TMCC1: variants seen among roughly 807,000 people sequenced by gnomAD.
TMCC1 encodes the protein transmembrane and coiled-coil domain family 1.
TMCC1 carries 15 observed loss-of-function variants against 52.4 expected under a neutral mutation model. The observed-to-expected ratio is 0.29, with a 90% CI of 0.19 to 0.44. The LOEUF (loss-of-function observed/expected upper bound fraction) is 0.44. TMCC1 is among the 20% of genes least tolerant of loss of function. The pLI, the probability that TMCC1 is intolerant of heterozygous loss-of-function variation, is 1.00. For synonymous variants in TMCC1, 279 were observed against 301.9 expected, an observed-to-expected ratio of 0.92 and a Z score of 0.79; for missense variants, 503 against 806.0, an observed-to-expected ratio of 0.62 and a Z score of 4.55.
intron 4 of TMCC1, among the ~76,000 whole-genome samples, chr3:129,687,435 G>A (rs1266479718): frequency 1.3e-5 from 2 of 152,112 alleles, no homozygotes; most frequent in African/African-American, 4.8e-5. Flanking sequence ...TCCAAAATCT[G>A]CTAAAAGTAA....
At chr3:129,688,166 A>T in intron 4 of TMCC1, 1 of 985,320 alleles carries the variant, frequency 1.0e-6, no homozygotes, top group Non-Finnish European at 1.2e-6. Context: ...ATCACAACAC[A>T]TTTATCTTAC....
intron 4 of TMCC1, among the ~76,000 whole-genome samples, chr3:129,697,697 C>G (rs2047513786): frequency 6.6e-6 from 1 of 152,130 alleles, no homozygotes; most frequent in South Asian, 2.1e-4. Context: ...TTTCTTCTGC[C>G]AGATACTGTA....
intron 4 of TMCC1, among the ~76,000 whole-genome samples, chr3:129,759,144 GT>G (rs1576716593): frequency 1.3e-5 from 2 of 152,122 alleles, no homozygotes; most frequent in African/African-American, 4.8e-5. Context: ...TGGGTTTTAA[GT>G]GGTTAGATAA....
At chr3:129,784,391 C>G (rs547919565) in intron 4 of TMCC1, among the ~76,000 whole-genome samples, 1 of 150,744 alleles carries the variant, frequency 6.6e-6, no homozygotes, top group East Asian at 2.0e-4. Flanking sequence ...ACAGTGAAAC[C>G]CCGTCTCTAC....
chr3:129,866,379 T>C (rs867497466), intron 2 of TMCC1, among the ~76,000 whole-genome samples: 30 of 119,292 alleles, frequency 2.5e-4, no homozygotes, highest in African/African-American at 8.9e-4. Context: ...TATATATATG[T>C]TTTTTTTTTT....
chr3:129,684,569 T>C (rs1204503910), intron 4 of TMCC1, among the ~76,000 whole-genome samples: 1 of 152,140 alleles, frequency 6.6e-6, no homozygotes, highest in East Asian at 1.9e-4. Context: ...TCCAGAAGAA[T>C]GGGAAAAGAG....
At chr3:129,840,998 G>C (rs937320844) in intron 2 of TMCC1, among the ~76,000 whole-genome samples, 1 of 152,186 alleles carries the variant, frequency 6.6e-6, no homozygotes, top group African/African-American at 2.4e-5. Flanking sequence ...AAGAAGGCAG[G>C]AAGATGTGGG....
intron 4 of TMCC1, among the ~76,000 whole-genome samples, chr3:129,780,461 T>A (rs1052171906): frequency 3.9e-5 from 6 of 151,990 alleles, no homozygotes; most frequent in African/African-American, 1.4e-4. Flanking sequence ...TTTCCACCCA[T>A]CCGTTTTTCC....
intron 4 of TMCC1, among the ~76,000 whole-genome samples, chr3:129,753,499 T>C (rs552533324): frequency 6.6e-6 from 1 of 152,212 alleles, no homozygotes; most frequent in African/African-American, 2.4e-5. Context: ...AATTAATACA[T>C]CACAACCAAG....
Position 129,651,159 on chromosome 3 carries a change from C to T in TMCC1, c.*322G>A. 1 of 297,778 alleles carries T rather than the reference C, an allele frequency of 3.4e-6. No homozygotes were observed. The highest frequency in any genetic ancestry group is 6.4e-6 in the Non-Finnish European group (1 of 156,946). The allele number at this position is 297,778 out of a possible 1,614,324, so 18.4% of individuals were successfully genotyped here. On this transcript the variant is annotated 3_prime_UTR_variant, in exon 7 of 7. Coordinates refer to ENST00000393238, the MANE Select transcript of TMCC1 (RefSeq NM_001017395.5). This position sits in a 1 kb window ranked among gnomAD's most constrained non-coding sequence, Gnocchi z 5.1. ...CTTTTTAGTGGGTTTTAGTGCAGTC[C>T]TTCAAGCCACAATTTAGATTGCCCT...
At chr3:129,791,822 T>C (rs2056487164) in intron 4 of TMCC1, among the ~76,000 whole-genome samples, 1 of 152,176 alleles carries the variant, frequency 6.6e-6, no homozygotes, top group South Asian at 2.1e-4. Flanking sequence ...TAAATCTTAA[T>C]TTACTTCCTT....
chr3:129,804,244 T>A (rs1163675430), intron 4 of TMCC1, among the ~76,000 whole-genome samples: 3 of 152,248 alleles, frequency 2.0e-5, no homozygotes, highest in Non-Finnish European at 4.4e-5. Context: ...TGGTAATACT[T>A]CTTGCCTTAA....
intron 4 of TMCC1, among the ~76,000 whole-genome samples, chr3:129,770,311 C>G (rs1309992122): frequency 6.6e-6 from 1 of 152,098 alleles, no homozygotes; most frequent in Non-Finnish European, 1.5e-5. Context: ...AGGCCAGGAG[C>G]TGGAGAGCAG....
intron 4 of TMCC1, among the ~76,000 whole-genome samples, chr3:129,791,769 C>A (rs768028185): frequency 6.6e-6 from 1 of 152,140 alleles, no homozygotes; most frequent in South Asian, 2.1e-4. Context: ...TCAAAGAGAA[C>A]AGGTGAGCAT....
At chr3:129,744,803 T>C (rs1438438189) in intron 4 of TMCC1, among the ~76,000 whole-genome samples, 2 of 152,202 alleles carry the variant, frequency 1.3e-5, no homozygotes, top group Non-Finnish European at 2.9e-5. Flanking sequence ...ACTGAGAGGA[T>C]GAGAAACTTA....
At chr3:129,774,484 C>T (rs181693322) in intron 4 of TMCC1, among the ~76,000 whole-genome samples, 213 of 152,286 alleles carry the variant, frequency 1.4e-3, no homozygotes, top group African/African-American at 5.0e-3. Flanking sequence ...ATGGAAGATA[C>T]TGTCCCTGCC....
At chr3:129,770,030 A>G (rs981091692) in intron 4 of TMCC1, among the ~76,000 whole-genome samples, 3 of 152,216 alleles carry the variant, frequency 2.0e-5, no homozygotes, top group Admixed American at 6.5e-5. Flanking sequence ...TCACAAATTC[A>G]AATGGCCTAC....
intron 4 of TMCC1, among the ~76,000 whole-genome samples, chr3:129,752,073 A>G (rs2052577694): frequency 6.6e-6 from 1 of 152,186 alleles, no homozygotes; most frequent in African/African-American, 2.4e-5. Flanking sequence ...GTGAATGCTT[A>G]TACTATGAAA....
intron 4 of TMCC1, among the ~76,000 whole-genome samples, chr3:129,738,553 T>A (rs2051181696): frequency 6.6e-6 from 1 of 152,118 alleles, no homozygotes; most frequent in Non-Finnish European, 1.5e-5. Context: ...ACTGTTTCAA[T>A]AAAAACTACA....
Sources: gnomAD v4.1 joint callset for allele counts (sites outside exome capture counted in the v4.1 genomes callset) on GRCh38, gnomAD v4.1.1 for gene constraint, Gnocchi (gnomAD v3.1) non-coding constraint, MANE v1.5 for transcripts, NCBI Gene and HGNC (gene_info 2026-07-23, HGNC 2026-07-21) for gene names.